Variants in NOX4 observed in about 807,000 individuals in gnomAD.
NOX4 encodes the protein NADPH oxidase 4, also known as kidney oxidase-1.
Under a neutral mutation model 87.6 loss-of-function variants are expected in NOX4, and 69 were observed. The ratio of observed to expected loss-of-function variants is 0.79; its 90% CI spans 0.65 to 0.96. The LOEUF is 0.96. Among genes scored for constraint, NOX4 ranks in the 40% least tolerant of loss-of-function variants. NOX4 has a pLI of 0.00. For synonymous variants in NOX4, 275 were observed against 238.2 expected (o/e 1.15, Z -1.42); for missense variants, 680 against 681.5 (o/e 1.00, Z 0.02).
At position 89,467,107 on chromosome 11, in the gene NOX4, G is replaced by T. The variant is rs543104587; in HGVS notation, c.154-15212C>A. ...CTCACACCTGTAATCCCAGCACTTT[G>T]GGAGGCCAAGGCAGGCGGATCACGA... is the stretch of plus-strand genomic sequence containing the variant. On this transcript the variant is annotated intron_variant, in intron 2 of 17. Coordinates refer to ENST00000263317, the MANE Select transcript of NOX4 (RefSeq NM_016931.5). 2.0e-4 allele frequency among the ~76,000 whole-genome samples: 31 copies of T among 152,020 alleles called. 1 individual carries two copies. In the South Asian group the frequency reaches 6.0e-3, roughly 30 times the overall value.
chr11:89,358,901 G>C (rs1938294050), intron 12 of NOX4, among the ~76,000 whole-genome samples: 1 of 151,736 alleles, frequency 6.6e-6, no homozygotes, highest in Non-Finnish European at 1.5e-5. Context: ...CCTTTCACAG[G>C]ACTTCTTAGA....
chr11:89,385,048 C>T (rs563693658), intron 11 of NOX4, among the ~76,000 whole-genome samples: 167 of 152,230 alleles, frequency 1.1e-3, no homozygotes, highest in African/African-American at 3.8e-3. Flanking sequence ...TTGAGGCTAC[C>T]GCTCTGTCCC....
chr11:89,437,379 G>A (rs900508169), intron 6 of NOX4, among the ~76,000 whole-genome samples: 2 of 152,036 alleles, frequency 1.3e-5, no homozygotes, highest in African/African-American at 4.8e-5. Context: ...ATAGAAAAAG[G>A]TGTCTTTCAT....
chr11:89,370,472 C>T (rs1039875767), intron 12 of NOX4, among the ~76,000 whole-genome samples: 14 of 151,748 alleles, frequency 9.2e-5, no homozygotes, highest in Non-Finnish European at 1.5e-4. Flanking sequence ...TTATCTCAGA[C>T]ATTAATCAAT....
chr11:89,586,581 T>C, the NOX4 span, among the ~76,000 whole-genome samples: 2 of 152,188 alleles, frequency 1.3e-5, no homozygotes, highest in African/African-American at 2.4e-5. Context: ...CAAGAAGAAA[T>C]GGACTACTTC....
At chr11:89,504,803 T>C in the NOX4 span, among the ~76,000 whole-genome samples, 7 of 152,110 alleles carry the variant, frequency 4.6e-5, no homozygotes, top group East Asian at 1.2e-3. Context: ...AAGAAGACAA[T>C]TGGTTTTTGG....
At chr11:89,459,655 A>G (rs1213374749) in intron 2 of NOX4, among the ~76,000 whole-genome samples, 1 of 152,100 alleles carries the variant, frequency 6.6e-6, no homozygotes, top group African/African-American at 2.4e-5. Flanking sequence ...CAATGAAATA[A>G]AAGAGGATAC....
At chr11:89,378,631 T>C (rs1029410672) in intron 11 of NOX4, among the ~76,000 whole-genome samples, 1 of 152,014 alleles carries the variant, frequency 6.6e-6, no homozygotes, top group African/African-American at 2.4e-5. Flanking sequence ...GAATAGTAAA[T>C]ACTGGAAGAA....
intron 12 of NOX4, among the ~76,000 whole-genome samples, chr11:89,363,983 G>C (rs1938734047): frequency 6.6e-6 from 1 of 152,030 alleles, no homozygotes; most frequent in South Asian, 2.1e-4. Context: ...ATATAGGCAG[G>C]CCAGGTGTGG....
At chr11:89,427,418 C>T (rs1021530649) in intron 7 of NOX4, among the ~76,000 whole-genome samples, 1 of 152,052 alleles carries the variant, frequency 6.6e-6, no homozygotes, top group Admixed American at 6.6e-5. Context: ...GATGATCAAA[C>T]TTCTCTGAGC....
intron 2 of NOX4, chr11:89,488,985 A>G (rs748931145): frequency 1.4e-4 from 98 of 702,664 alleles, no homozygotes; most frequent in Non-Finnish European, 2.6e-6. Context: ...ATAGGTTTCA[A>G]GACAGTTCCT....
At chr11:89,479,643 A>G (rs1413002623) in intron 2 of NOX4, among the ~76,000 whole-genome samples, 2 of 152,180 alleles carry the variant, frequency 1.3e-5, no homozygotes, top group African/African-American at 4.8e-5. Context: ...AACCTTTGAT[A>G]GTTTCCATTT....
upstream of NOX4, among the ~76,000 whole-genome samples, chr11:89,498,561 C>T (rs947980178): frequency 6.6e-6 from 1 of 152,102 alleles, no homozygotes; most frequent in Admixed American, 6.5e-5. Context: ...CTGCAAATAA[C>T]TGATTTCTGT....
chr11:89,560,877 C>T, the NOX4 span, among the ~76,000 whole-genome samples: 2 of 148,148 alleles, frequency 1.3e-5, no homozygotes, highest in Non-Finnish European at 3.0e-5. Context: ...TTGGACTAAG[C>T]GATGCTATCA....
chr11:89,325,112 A>ATTTTTTT lies in NOX4; in HGVS notation c.*1643_*1644insAAAAAAA, dbSNP rs1590923384. ...ATCACTAAACTGTATGAATGCTTTAATTCTTTTTTTTTTTTTTTTTTTTTT... is the reference window on the plus strand; with the variant it reads ...ATCACTAAACTGTATGAATGCTTTAATTTTTTTTTCTTTTTTTTTTTTTTTTTTTTTT... On this transcript the variant is annotated 3_prime_UTR_variant, in exon 18 of 18. Coordinates refer to ENST00000263317, the MANE Select transcript of NOX4 (RefSeq NM_016931.5). The ATTTTTTT allele has an allele frequency of 5.1e-4, 36 of 71,228 alleles. No homozygotes were observed. The highest frequency in any genetic ancestry group is 6.2e-4 in the Non-Finnish European group (20 of 32,256). 4.4% of individuals were successfully genotyped at this position (71,228 alleles called of 1,614,324 possible).
At chr11:89,527,273 A>C in the NOX4 span, among the ~76,000 whole-genome samples, 6 of 152,308 alleles carry the variant, frequency 3.9e-5, no homozygotes, top group East Asian at 5.8e-4. Context: ...TTGGAACTGA[A>C]ACTTATTTTT....
intron 6 of NOX4, among the ~76,000 whole-genome samples, chr11:89,438,434 A>G (rs1298439980): frequency 9.2e-6 from 1 of 108,774 alleles, no homozygotes; most frequent in East Asian, 2.6e-4. Context: ...AATATAATAT[A>G]TACTATGTAT....
the NOX4 span, among the ~76,000 whole-genome samples, chr11:89,529,019 A>G: frequency 6.6e-6 from 1 of 152,204 alleles, no homozygotes; most frequent in South Asian, 2.1e-4. Context: ...GTGAACAGGT[A>G]GAAGATAAGA....
At chr11:89,408,773 G>C (rs550702543) in intron 8 of NOX4, among the ~76,000 whole-genome samples, 35 of 152,272 alleles carry the variant, frequency 2.3e-4, no homozygotes, top group African/African-American at 8.2e-4. Flanking sequence ...ACCGGACCTT[G>C]CTCTTTAGAA....
Sources: allele counts gnomAD v4.1 joint callset (sites outside exome capture counted in the v4.1 genomes callset), GRCh38; gene constraint gnomAD v4.1.1; transcripts MANE v1.5; gene names NCBI Gene and HGNC (gene_info 2026-07-23, HGNC 2026-07-21).